WWOX: variants seen among roughly 807,000 people sequenced by gnomAD.
WWOX encodes WW domain-containing oxidoreductase.
A neutral mutation model predicts 46.2 loss-of-function variants in WWOX; 69 were observed. That is an observed-to-expected ratio of 1.49 (90% CI 1.23 to 1.82). WWOX has a LOEUF of 1.82. WWOX is among the 40% of genes most tolerant of loss of function. The probability of loss-of-function intolerance (pLI) is 0.00; values close to 1 mark genes in which losing one functional copy is unlikely to be tolerated. For synonymous variants in WWOX, 359 were observed against 202.6 expected (o/e 1.77, Z -6.56); for missense variants, 919 against 542.6 (o/e 1.69, Z -6.89).
intron 8 of WWOX, among the ~76,000 whole-genome samples, chr16:78,863,283 C>T (rs1386067357): frequency 6.6e-6 from 1 of 152,142 alleles, no homozygotes; most frequent in African/African-American, 2.4e-5. Context: ...AACTTGGAAA[C>T]AATGAGCAGA....
intron 8 of WWOX, among the ~76,000 whole-genome samples, chr16:79,067,913 G>C (rs1002673989): frequency 6.6e-6 from 1 of 152,150 alleles, no homozygotes; most frequent in African/African-American, 2.4e-5. Context: ...GGCGTCTCCT[G>C]GGAATGCCTG....
chr16:78,746,704 T>C (rs904702096), intron 8 of WWOX, among the ~76,000 whole-genome samples: 1 of 152,070 alleles, frequency 6.6e-6, no homozygotes, highest in Non-Finnish European at 1.5e-5. Flanking sequence ...CCAATGCCTT[T>C]TCTTCAGCTT....
chr16:78,300,630 A>G lies in WWOX; in HGVS notation c.517-86230A>G, dbSNP rs145254800. On this transcript the variant is annotated intron_variant, in intron 5 of 8. Coordinates refer to ENST00000566780, the MANE Select transcript of WWOX (RefSeq NM_016373.4). ...ATGCAATGGCATTACTAATGGCTTG[A>G]CTTTTTCGGGAAATGATTCATTACT... Among the ~76,000 whole-genome samples, 1,047 of 152,028 alleles carry G rather than the reference A, an allele frequency of 6.9e-3. 8 individuals are homozygous for G. Among genetic ancestry groups the G allele is most frequent in the Middle Eastern group, 0.027 (8 of 294 alleles).
At chr16:79,052,934 C>A (rs1469258930) in intron 8 of WWOX, among the ~76,000 whole-genome samples, 1 of 117,486 alleles carries the variant, frequency 8.5e-6, no homozygotes, top group Non-Finnish European at 1.6e-5. Flanking sequence ...CTCACTGATT[C>A]ATGGGGACCC....
intron 6 of WWOX, among the ~76,000 whole-genome samples, chr16:78,404,888 C>T (rs2082491079): frequency 1.3e-5 from 2 of 152,322 alleles, no homozygotes; most frequent in South Asian, 2.1e-4. Flanking sequence ...ACAACCAGAA[C>T]TGTAACACCA....
chr16:79,108,462 C>G (rs1219351361), intron 8 of WWOX, among the ~76,000 whole-genome samples: 2 of 152,212 alleles, frequency 1.3e-5, no homozygotes, highest in African/African-American at 2.4e-5. Flanking sequence ...CGAAAGATTG[C>G]AAGGTGCAGG....
At chr16:78,964,802 G>C (rs2046335100) in intron 8 of WWOX, among the ~76,000 whole-genome samples, 1 of 152,172 alleles carries the variant, frequency 6.6e-6, no homozygotes, top group Non-Finnish European at 1.5e-5. Context: ...CCCAGCCCTG[G>C]GTCCCTGTGC....
intron 8 of WWOX, among the ~76,000 whole-genome samples, chr16:79,058,129 CA>C (rs76588171): frequency 0.024 from 2,861 of 120,104 alleles, 115 homozygotes; most frequent in African/African-American, 0.12. Context: ...AACAAACAAA[CA>C]AAAAAAAAAA....
At chr16:78,624,916 A>C (rs1185120442) in intron 8 of WWOX, among the ~76,000 whole-genome samples, 1 of 152,146 alleles carries the variant, frequency 6.6e-6, no homozygotes, top group African/African-American at 2.4e-5. Context: ...GTCTGTACAC[A>C]CAAAACCCTG....
intron 8 of WWOX, among the ~76,000 whole-genome samples, chr16:78,796,396 C>T (rs1337627329): frequency 6.6e-6 from 1 of 152,198 alleles, no homozygotes; most frequent in East Asian, 1.9e-4. Context: ...TAGGTCAAGC[C>T]TGGAAGCAGT....
At chr16:78,642,586 G>A (rs887485401) in intron 8 of WWOX, among the ~76,000 whole-genome samples, 1 of 152,028 alleles carries the variant, frequency 6.6e-6, no homozygotes, top group Non-Finnish European at 1.5e-5. Context: ...GAGATTTCCG[G>A]GCAAGTTGAG....
At chr16:78,770,741 C>G (rs1172724448) in intron 8 of WWOX, among the ~76,000 whole-genome samples, 1 of 144,248 alleles carries the variant, frequency 6.9e-6, no homozygotes, top group Non-Finnish European at 1.5e-5. Context: ...GCGCCAGTGT[C>G]CCTGCAGCGC....
intron 8 of WWOX, among the ~76,000 whole-genome samples, chr16:78,502,286 T>C (rs1330721764): frequency 6.6e-6 from 1 of 152,150 alleles, no homozygotes; most frequent in Non-Finnish European, 1.5e-5. Flanking sequence ...CACAATCAGT[T>C]TTAGAACATT....
At chr16:78,154,014 G>T (rs996615184) in intron 4 of WWOX, among the ~76,000 whole-genome samples, 2 of 152,088 alleles carry the variant, frequency 1.3e-5, no homozygotes, top group Non-Finnish European at 2.9e-5. Context: ...CAACCTACCA[G>T]TGAGTCTCAT....
chr16:79,089,624 CCTG>C (rs1172169829), intron 8 of WWOX, among the ~76,000 whole-genome samples: 1 of 152,256 alleles, frequency 6.6e-6, no homozygotes, highest in East Asian at 1.9e-4. Flanking sequence ...GCCACCACGC[CCTG>C]CTAAGGTGGC....
At chr16:78,376,125 C>T (rs951046190) in intron 5 of WWOX, among the ~76,000 whole-genome samples, 17 of 152,286 alleles carry the variant, frequency 1.1e-4, no homozygotes, top group African/African-American at 3.6e-4. Context: ...GCTGGGATTA[C>T]AGGCATGAGC....
intron 8 of WWOX, among the ~76,000 whole-genome samples, chr16:79,012,983 G>C (rs982836763): frequency 1.3e-5 from 2 of 152,182 alleles, no homozygotes; most frequent in Non-Finnish European, 2.9e-5. Flanking sequence ...CCTGAGGTCA[G>C]GAAGAACCTG....
At chr16:79,094,842 T>C (rs971368849) in intron 8 of WWOX, among the ~76,000 whole-genome samples, 7 of 152,150 alleles carry the variant, frequency 4.6e-5, no homozygotes, top group African/African-American at 1.4e-4. Flanking sequence ...CCAATATTTA[T>C]TGAGCCAACA....
chr16:79,169,969 G>T (rs13332436), intron 8 of WWOX, among the ~76,000 whole-genome samples: 10,889 of 152,136 alleles, frequency 0.072, 636 homozygotes, highest in African/African-American at 0.15. Context: ...TGTTGACCAG[G>T]CTTGGGTGCT....
Sources: allele counts gnomAD v4.1 joint callset (sites outside exome capture counted in the v4.1 genomes callset), GRCh38; gene constraint gnomAD v4.1.1; transcripts MANE v1.5; gene names NCBI Gene and HGNC (gene_info 2026-07-23, HGNC 2026-07-21).